Variants in TTC13 observed in about 807,000 individuals in gnomAD.
TTC13 encodes tetratricopeptide repeat domain 13, also known as tetratricopeptide repeat protein 13.
A neutral mutation model predicts 120.0 loss-of-function variants in TTC13; 62 were observed. The observed-to-expected ratio is 0.52, with a 90% CI of 0.42 to 0.64. The LOEUF is 0.64. Among genes scored for constraint, TTC13 ranks in the 30% least tolerant of loss-of-function variants. The probability of loss-of-function intolerance (pLI) is 0.00; values close to 1 mark genes in which losing one functional copy is unlikely to be tolerated. For missense variants in TTC13, 824 were observed against 1,050.2 expected (o/e 0.78, Z 2.98); for synonymous variants, 384 against 393.5 (o/e 0.98, Z 0.28).
rs751678819 is a variant in TTC13, at chr1:230,923,948, C to A, written c.1722-15G>T. ...GGTCAGCAATCCTATAAAACAGAGA[C>A]CTTTATAAAACCAGAAGTGTTCAGA... is the stretch of plus-strand genomic sequence containing the variant. On this transcript the variant is annotated splice_polypyrimidine_tract_variant and intron_variant, in intron 14 of 22. Transcript: ENST00000366661. 1.9e-6 allele frequency: 3 copies of A among 1,601,830 alleles called. No individual in the cohort carries two copies. In the East Asian group the frequency reaches 6.7e-5, roughly 36 times the overall value.
chr1:230,913,269 G>A (rs1399328915), intron 18 of TTC13, among the ~76,000 whole-genome samples: 1 of 152,084 alleles, frequency 6.6e-6, no homozygotes, highest in South Asian at 2.1e-4. Context: ...TTTGTATAAC[G>A]CCACTAGCAA....
At chr1:230,937,466 G>T (rs567768103) in intron 8 of TTC13, among the ~76,000 whole-genome samples, 1 of 152,206 alleles carries the variant, frequency 6.6e-6, no homozygotes, top group South Asian at 2.1e-4. Context: ...CAGAGAAGAT[G>T]AGAGGAACAG....
Position 230,952,100 on chromosome 1 carries a change from G to A in TTC13, c.513+2233C>T, listed in dbSNP as rs181639566. On this transcript the variant is annotated intron_variant, in intron 4 of 22. Coordinates refer to ENST00000366661, the MANE Select transcript of TTC13 (RefSeq NM_024525.5). The stretch of plus-strand genomic sequence containing the variant: ...TTTTAGCATTTAACATCGAATCTTC[G>A]TATTTTCTTTCTTTTTTTCAGAGAC... 8.0e-4 allele frequency among the ~76,000 whole-genome samples: 122 copies of A among 152,186 alleles called. 1 individual carries two copies. The Middle Eastern group carries it at 0.031, about 38-fold the overall frequency.
chr1:230,927,321 G>T (rs1462224323), intron 12 of TTC13, among the ~76,000 whole-genome samples: 2 of 151,952 alleles, frequency 1.3e-5, no homozygotes, highest in East Asian at 1.9e-4. Flanking sequence ...TTTCCAAAGT[G>T]GTTGTAGCAA....
Position 230,958,210 on chromosome 1 carries a change from G to C in TTC13, c.442+14C>G. The C allele has an allele frequency of 1.2e-6, 2 of 1,608,032 alleles. No homozygotes were observed. Among genetic ancestry groups the C allele is most frequent in the Non-Finnish European group, 1.7e-6 (2 of 1,178,320 alleles). ...GGCAAATATTACAGGAATATTACCA[G>C]ATTCAAGTCTTACCTAACTCTTCAT... is the stretch of plus-strand genomic sequence containing the variant. On this transcript the variant is annotated intron_variant, in intron 3 of 22. Coordinates refer to ENST00000366661, the MANE Select transcript of TTC13 (RefSeq NM_024525.5).
chr1:230,913,748 C>A (rs1671731219), intron 18 of TTC13, among the ~76,000 whole-genome samples: 1 of 152,184 alleles, frequency 6.6e-6, no homozygotes, highest in Non-Finnish European at 1.5e-5. Context: ...CAGGAAAGGT[C>A]TCATGGGAGA....
intron 4 of TTC13, among the ~76,000 whole-genome samples, chr1:230,946,329 T>G (rs1282382695): frequency 6.6e-6 from 1 of 152,230 alleles, no homozygotes; most frequent in Non-Finnish European, 1.5e-5. Context: ...TGCAAAAACT[T>G]GATAGATTAA....
At chr1:230,928,856 G>A (rs1159000265) in intron 12 of TTC13, 81 bp downstream of exon 12, 1 of 1,459,400 alleles carries the variant, frequency 6.9e-7, no homozygotes, top group Non-Finnish European at 9.4e-7. Flanking sequence ...CCAAGTAGCA[G>A]GGAGTAGCGT....
rs1672490413 is a variant in TTC13 at position 230,920,556 on chromosome 1, G to A, written c.1937C>T (p.Ala646Val). Residue 646 changes from alanine (A) to valine (V), a missense_variant, in exon 17 of 23, where the codon GCC becomes GTC. Ala to Val is a moderately conservative substitution (Grantham distance 64). Transcript: ENST00000366661. The part of the protein sequence containing the change: ...NPKGLLEVRE[A>V]LEKVHKVEDL... ...TTCTACTTTGTGTACCTTTTCCAGGGCTTCCCGAACTTCCAGCAATCCTTT... is the reference window on the plus strand; with the variant it reads ...TTCTACTTTGTGTACCTTTTCCAGGACTTCCCGAACTTCCAGCAATCCTTT... The A allele has an allele frequency of 6.2e-7, 1 of 1,600,148 alleles. No homozygotes were observed. The highest frequency in any genetic ancestry group is 8.5e-7 in the Non-Finnish European group (1 of 1,174,954).
At chr1:230,943,343 C>T (rs1248276171) in intron 6 of TTC13, among the ~76,000 whole-genome samples, 1 of 151,638 alleles carries the variant, frequency 6.6e-6, no homozygotes, top group African/African-American at 2.4e-5. Flanking sequence ...AAATGTCCAA[C>T]AACAATAGAC....
intron 4 of TTC13, among the ~76,000 whole-genome samples, chr1:230,952,449 G>C (rs1277252379): frequency 6.6e-6 from 1 of 152,148 alleles, no homozygotes; most frequent in Non-Finnish European, 1.5e-5. Context: ...ACTTTCCACT[G>C]CCTTCATCCC....
intron 6 of TTC13, 102 bp downstream of exon 6, chr1:230,943,703 GT>G: frequency 1.1e-6 from 1 of 902,144 alleles, no homozygotes. Context: ...AAACATAAGA[GT>G]TTTAAGGGAG....
chr1:230,941,594 T>C (rs1308781354), intron 6 of TTC13, among the ~76,000 whole-genome samples: 1 of 152,238 alleles, frequency 6.6e-6, no homozygotes, highest in East Asian at 1.9e-4. Flanking sequence ...TAAGCCACCA[T>C]GTCCAGCCTA....
At position 230,978,610 on chromosome 1, in the gene TTC13, C is replaced by T; in HGVS notation, c.221G>A (p.Cys74Tyr). The change falls in exon 1 of 23, where the codon TGC becomes TAC. Residue 74 changes from cysteine to tyrosine, a missense_variant. Around this residue, in one of 4 missense-constraint regions of TTC13, gnomAD observed 160 missense variants for 137.2 expected, o/e 1.17. Transcript: ENST00000366661. This position sits in a 1 kb window ranked among gnomAD's most constrained non-coding sequence, Gnocchi z 5.6. ...QQEAPAGGGGCSPQSGDWGDQ... is the reference protein window; with the variant it reads ...QQEAPAGGGGYSPQSGDWGDQ... ...CCCCCAGTCCCCGGACTGCGGGCTG[C>T]AGCCGCCGCCGCCCGCCGGGGCCTC... The T allele has an allele frequency of 6.9e-7, 1 of 1,449,944 alleles. No individual in the cohort carries two copies. Among genetic ancestry groups the T allele is most frequent in the Non-Finnish European group, 9.1e-7 (1 of 1,101,560 alleles). 89.8% of individuals were successfully genotyped at this position (1,449,944 alleles called of 1,614,324 possible).
At position 230,912,541 on chromosome 1, in the gene TTC13, T is replaced by A. The variant is rs112696487; in HGVS notation, c.2229+82A>T. ...CCAATTTCAAGCATAAGATGTACAA[T>A]CTCAGTGAAAGGGCAGAGGTTCAAA... On this transcript the variant is annotated intron_variant, in intron 19 of 22. Coordinates refer to ENST00000366661, the MANE Select transcript of TTC13 (RefSeq NM_024525.5). 4,038 of 1,457,796 alleles carry A rather than the reference T, an allele frequency of 2.8e-3. 96 individuals are homozygous for A. The African/African-American group carries it at 0.051, about 18-fold the overall frequency. 90.3% of individuals were successfully genotyped at this position (1,457,796 alleles called of 1,614,324 possible).
Position 230,978,646 on chromosome 1 carries a change from C to A in TTC13, c.185G>T (p.Arg62Leu). 6.8e-7 allele frequency: 1 copy of A among 1,473,816 alleles called. No individual in the cohort carries two copies. 91.3% of individuals were successfully genotyped at this position (1,473,816 alleles called of 1,614,324 possible). A position where few individuals can be genotyped will look rare whatever the true frequency, so the allele number is the denominator to read the frequency against. ...GCCCGCCGGGGCCTCCTGCTGCTGC[C>A]GGTGCTGCAGCTCCTGCTTGAGCAG... is the stretch of plus-strand genomic sequence containing the variant. Reference protein sequence around the residue: ...LSLLKQELQHRQQQEAPAGGG... With the variant: ...LSLLKQELQHLQQQEAPAGGG... Residue 62 changes from arginine to leucine, a missense_variant, in exon 1 of 23, where the codon CGG becomes CTG. Coordinates refer to ENST00000366661, the MANE Select transcript of TTC13 (RefSeq NM_024525.5). This position sits in a 1 kb window ranked among gnomAD's most constrained non-coding sequence, Gnocchi z 5.6.
chr1:230,952,016 T>C (rs749793021), intron 4 of TTC13, among the ~76,000 whole-genome samples: 44 of 152,204 alleles, frequency 2.9e-4, no homozygotes, highest in Admixed American at 7.2e-4. Flanking sequence ...AACTCTAATA[T>C]AGAAAAGTTT....
intron 1 of TTC13, among the ~76,000 whole-genome samples, chr1:230,968,674 AG>A (rs1677409647): frequency 1.3e-5 from 2 of 152,270 alleles, no homozygotes; most frequent in African/African-American, 4.8e-5. Flanking sequence ...GGATACAGCA[AG>A]TAAAAAGGAG....
intron 4 of TTC13, among the ~76,000 whole-genome samples, chr1:230,948,908 C>A (rs1444355852): frequency 6.6e-6 from 1 of 152,132 alleles, no homozygotes. Context: ...CCCATTGCCT[C>A]GGTCCCCAAG....
Sources: allele counts gnomAD v4.1 joint callset (sites outside exome capture counted in the v4.1 genomes callset), GRCh38; gene constraint gnomAD v4.1.1; regional missense constraint gnomAD v4.1.1; non-coding constraint Gnocchi (gnomAD v3.1); transcripts MANE v1.5; gene names NCBI Gene and HGNC (gene_info 2026-07-23, HGNC 2026-07-21).